The following JAZF1 variants were observed in gnomAD, a reference collection of about 807,000 sequenced individuals.
The protein encoded by JAZF1 is JAZF zinc finger 1, also known as juxtaposed with another zinc finger protein 1.
Under a neutral mutation model 26.4 loss-of-function variants are expected in JAZF1, and 8 were observed. That is an observed-to-expected ratio of 0.30 (90% CI 0.18 to 0.55). The LOEUF is 0.55. Ranked by LOEUF, JAZF1 falls within the 20% of genes least tolerant of loss-of-function variation. The pLI, the probability that JAZF1 is intolerant of heterozygous loss-of-function variation, is 0.94. For synonymous variants in JAZF1, 126 were observed against 122.3 expected, an observed-to-expected ratio of 1.03 and a Z score of -0.20; for missense variants, 199 against 322.0, an observed-to-expected ratio of 0.62 and a Z score of 2.92.
intron 3 of JAZF1, among the ~76,000 whole-genome samples, chr7:27,859,142 A>G (rs1478976412): frequency 1.3e-5 from 2 of 152,366 alleles, no homozygotes; most frequent in African/African-American, 4.8e-5. Flanking sequence ...ATCACTGATC[A>G]TTAGAGAAAT....
intron 2 of JAZF1, among the ~76,000 whole-genome samples, chr7:27,925,602 T>A (rs919599262): frequency 1.3e-5 from 2 of 152,036 alleles, no homozygotes; most frequent in Non-Finnish European, 2.9e-5. Flanking sequence ...TATTTTTAAT[T>A]TTTTTCTAGA....
At chr7:28,106,970 C>T (rs556373012) in intron 1 of JAZF1, among the ~76,000 whole-genome samples, 9 of 152,180 alleles carry the variant, frequency 5.9e-5, no homozygotes, top group Non-Finnish European at 1.3e-4. Flanking sequence ...CTTGGTTCCT[C>T]ACAGATTTTG....
At chr7:28,161,487 C>T (rs928219691) in intron 1 of JAZF1, among the ~76,000 whole-genome samples, 3 of 152,166 alleles carry the variant, frequency 2.0e-5, no homozygotes, top group African/African-American at 4.8e-5. Flanking sequence ...TTGCACTCTA[C>T]GTTACCAGGT....
In JAZF1 at chr7:27,856,809, C is replaced by T. The variant is rs577095180; in HGVS notation, c.386-15942G>A. Among the ~76,000 whole-genome samples, 55 of 152,280 alleles carry T rather than the reference C, an allele frequency of 3.6e-4. No individual in the cohort carries two copies. In the South Asian group the frequency reaches 1.0e-2, roughly 28 times the overall value. On this transcript the variant is annotated intron_variant, in intron 3 of 4. Coordinates refer to ENST00000283928, the MANE Select transcript of JAZF1 (RefSeq NM_175061.4). Reference sequence around the variant, plus strand: ...GACATGAAGGTTCTCCAAGTCCCCACCAGAGTAACTAGATAGAGAGTGCTG... The same window carrying T: ...GACATGAAGGTTCTCCAAGTCCCCATCAGAGTAACTAGATAGAGAGTGCTG...
chr7:28,024,075 C>G, intron 1 of JAZF1, among the ~76,000 whole-genome samples: 1 of 151,186 alleles, frequency 6.6e-6, no homozygotes, highest in South Asian at 2.1e-4. Context: ...TGCTTGAGGT[C>G]AGGACTTCAA....
chr7:27,913,995 C>T (rs1048891744), intron 2 of JAZF1, among the ~76,000 whole-genome samples: 1 of 152,128 alleles, frequency 6.6e-6, no homozygotes, highest in African/African-American at 2.4e-5. Flanking sequence ...CGTAAGGTGG[C>T]TCTTCAGGAT....
intron 2 of JAZF1, among the ~76,000 whole-genome samples, chr7:27,988,192 GAAA>G (rs35744633): frequency 2.8e-5 from 4 of 143,870 alleles, no homozygotes; most frequent in Admixed American, 6.9e-5. Context: ...AATAAATACT[GAAA>G]AAAAAAAAAA....
intron 1 of JAZF1, among the ~76,000 whole-genome samples, chr7:28,031,008 C>T (rs1181811022): frequency 2.0e-5 from 3 of 152,166 alleles, no homozygotes; most frequent in Non-Finnish European, 2.9e-5. Context: ...AGTTCCCAGG[C>T]ATCTCATCAA....
At chr7:28,043,619 G>A (rs192201274) in intron 1 of JAZF1, among the ~76,000 whole-genome samples, 31 of 152,098 alleles carry the variant, frequency 2.0e-4, no homozygotes, top group Non-Finnish European at 4.0e-4. Flanking sequence ...ACCATATGAC[G>A]GGCAATTCCA....
intron 3 of JAZF1, among the ~76,000 whole-genome samples, chr7:27,857,068 T>G (rs1783272987): frequency 6.6e-6 from 1 of 152,198 alleles, no homozygotes; most frequent in East Asian, 1.9e-4. Context: ...TCCTCAGCCC[T>G]TGGGTGGTTG....
chr7:27,832,088 C>G lies in JAZF1; in HGVS notation c.*712G>C, dbSNP rs957879833. 4.7e-6 allele frequency: 1 copy of G among 211,794 alleles called. No homozygotes were observed. Among genetic ancestry groups the G allele is most frequent in the African/African-American group, 2.3e-5 (1 of 44,086 alleles). The allele number at this position is 211,794 out of a possible 1,614,324, so 13.1% of individuals were successfully genotyped here. A position where few individuals can be genotyped will look rare whatever the true frequency, so the allele number is the denominator to read the frequency against. On this transcript the variant is annotated 3_prime_UTR_variant, in exon 5 of 5. Transcript: ENST00000283928. ...AATCAATGTGTGTTAAATGAATGAA[C>G]GAACTGAATAGACTATTTTGTACAA...
chr7:28,176,031 T>G (rs1783546350), intron 1 of JAZF1, among the ~76,000 whole-genome samples: 1 of 152,172 alleles, frequency 6.6e-6, no homozygotes, highest in Non-Finnish European at 1.5e-5. Context: ...CTTTATTAAT[T>G]AGACGGTTTA....
intron 3 of JAZF1, among the ~76,000 whole-genome samples, chr7:27,855,996 A>G (rs1469453829): frequency 1.3e-5 from 2 of 152,358 alleles, no homozygotes; most frequent in Non-Finnish European, 2.9e-5. Flanking sequence ...CCAGCAGCAC[A>G]TCAAAAAGCT....
chr7:27,921,057 C>G (rs1173484859), intron 2 of JAZF1, among the ~76,000 whole-genome samples: 1 of 152,224 alleles, frequency 6.6e-6, no homozygotes, highest in Non-Finnish European at 1.5e-5. Context: ...ACTTGAAATA[C>G]TGAAAAAATC....
chr7:28,167,199 G>A (rs886306207), intron 1 of JAZF1, among the ~76,000 whole-genome samples: 2 of 152,172 alleles, frequency 1.3e-5, no homozygotes, highest in Non-Finnish European at 2.9e-5. Context: ...CCAAGGTCAC[G>A]TAGCCTGTGG....
intron 1 of JAZF1, among the ~76,000 whole-genome samples, chr7:28,013,659 C>G (rs57516014): frequency 6.6e-6 from 1 of 152,040 alleles, no homozygotes; most frequent in South Asian, 2.1e-4. Flanking sequence ...CACATAGTAA[C>G]GGGCTGCAGG....
chr7:27,868,933 A>G (rs887029298), intron 3 of JAZF1, among the ~76,000 whole-genome samples: 14 of 152,164 alleles, frequency 9.2e-5, no homozygotes, highest in African/African-American at 3.1e-4. Flanking sequence ...GAAAGGGACG[A>G]TATTTTTCTT....
intron 2 of JAZF1, among the ~76,000 whole-genome samples, chr7:27,958,085 T>A (rs955712412): frequency 2.0e-5 from 3 of 152,214 alleles, no homozygotes; most frequent in Non-Finnish European, 4.4e-5. Flanking sequence ...GGGTCACCTT[T>A]ATTAATTTAC....
At chr7:28,128,515 A>T (rs1215238393) in intron 1 of JAZF1, among the ~76,000 whole-genome samples, 1 of 152,062 alleles carries the variant, frequency 6.6e-6, no homozygotes, top group Non-Finnish European at 1.5e-5. Flanking sequence ...GAGTCCGTCT[A>T]AAAAATAAAT....
Sources: allele counts gnomAD v4.1 joint callset (sites outside exome capture counted in the v4.1 genomes callset), GRCh38; gene constraint gnomAD v4.1.1; transcripts MANE v1.5; gene names NCBI Gene and HGNC (gene_info 2026-07-23, HGNC 2026-07-21).